GALNTL6: variants seen among roughly 807,000 people sequenced by gnomAD.
GALNTL6 encodes polypeptide N-acetylgalactosaminyltransferase-like 6.
GALNTL6 carries 46 observed loss-of-function variants against 73.7 expected under a neutral mutation model. The ratio of observed to expected loss-of-function variants is 0.62; its 90% CI spans 0.49 to 0.80. The LOEUF (loss-of-function observed/expected upper bound fraction) is 0.80, where lower values mean the gene tolerates loss of function less well. Among genes scored for constraint, GALNTL6 ranks in the 30% least tolerant of loss-of-function variants. The pLI is 0.00. For synonymous variants in GALNTL6, 259 were observed against 263.7 expected, an observed-to-expected ratio of 0.98 and a Z score of 0.17; for missense variants, 604 against 755.0, an observed-to-expected ratio of 0.80 and a Z score of 2.34.
chr4:171,963,009 G>A (rs550993041), intron 2 of GALNTL6, among the ~76,000 whole-genome samples: 9 of 150,850 alleles, frequency 6.0e-5, no homozygotes, highest in Middle Eastern at 3.5e-3. Flanking sequence ...CTTGTGATCC[G>A]CCCACCTTGG....
At chr4:171,881,522 T>A (rs555406432) in intron 2 of GALNTL6, among the ~76,000 whole-genome samples, 1 of 152,284 alleles carries the variant, frequency 6.6e-6, no homozygotes, top group Admixed American at 6.5e-5. Flanking sequence ...TAAGGGTGGA[T>A]CTGCCCTCCC....
intron 10 of GALNTL6, among the ~76,000 whole-genome samples, chr4:172,971,473 T>C (rs1381757767): frequency 6.6e-6 from 1 of 152,182 alleles, no homozygotes; most frequent in Admixed American, 6.5e-5. Flanking sequence ...GATGGAGGAA[T>C]ATACAAATTA....
chr4:171,853,182 G>A (rs79440351), intron 2 of GALNTL6, among the ~76,000 whole-genome samples: 1 of 151,832 alleles, frequency 6.6e-6, no homozygotes, highest in Non-Finnish European at 1.5e-5. Flanking sequence ...AGGTTAAAGG[G>A]TACTCTTCTC....
At chr4:172,045,219 C>G (rs989668274) in intron 2 of GALNTL6, among the ~76,000 whole-genome samples, 1 of 151,920 alleles carries the variant, frequency 6.6e-6, no homozygotes, top group Non-Finnish European at 1.5e-5. Flanking sequence ...TACAGTAGAG[C>G]ACTGTGCGCC....
At chr4:172,410,815 G>C (rs72988264) in intron 5 of GALNTL6, among the ~76,000 whole-genome samples, 4,916 of 151,830 alleles carry the variant, frequency 0.032, 258 homozygotes, top group African/African-American at 0.11. Context: ...TTATTTTCTG[G>C]GTTGCTTTAT....
intron 5 of GALNTL6, chr4:172,380,452 G>C (rs1743238891): frequency 3.9e-6 from 2 of 518,518 alleles, no homozygotes; most frequent in Non-Finnish European, 7.5e-6. Context: ...GCAAAAGCTG[G>C]GTTTCCTTGA....
chr4:172,291,167 A>G (rs1739459033), intron 3 of GALNTL6, among the ~76,000 whole-genome samples: 1 of 152,148 alleles, frequency 6.6e-6, no homozygotes, highest in Non-Finnish European at 1.5e-5. Context: ...CATAAAGCTG[A>G]CAGCCATTAA....
intron 2 of GALNTL6, among the ~76,000 whole-genome samples, chr4:171,905,677 C>T (rs1737253954): frequency 6.6e-6 from 1 of 150,648 alleles, no homozygotes; most frequent in Non-Finnish European, 1.5e-5. Flanking sequence ...CACCCCAATT[C>T]AACAGAATAT....
intron 2 of GALNTL6, among the ~76,000 whole-genome samples, chr4:171,921,292 T>C (rs1284627469): frequency 6.6e-6 from 1 of 152,132 alleles, no homozygotes; most frequent in East Asian, 1.9e-4. Context: ...ACCATGTTTT[T>C]GTTTTGCTTT....
At chr4:172,228,560 A>T (rs1446971906) in intron 2 of GALNTL6, among the ~76,000 whole-genome samples, 2 of 152,170 alleles carry the variant, frequency 1.3e-5, no homozygotes, top group Non-Finnish European at 2.9e-5. Context: ...ACTAAGAAAT[A>T]AGACATTTTA....
chr4:173,021,934 C>A (rs546214300), intron 12 of GALNTL6, among the ~76,000 whole-genome samples: 113 of 151,392 alleles, frequency 7.5e-4, no homozygotes, highest in African/African-American at 2.6e-3. Flanking sequence ...GGGGAGATTG[C>A]AGTGAGCCAA....
rs1159943051 is a variant in GALNTL6, at chr4:172,680,571, C to T, written c.554-128790C>T. ...GGCAAGTCACTTCAGCTTCTTTCAT[C>T]CCCTCCTTTTTTGCCATTTGTCATC... On this transcript the variant is annotated intron_variant, in intron 5 of 12. Coordinates refer to ENST00000506823, the MANE Select transcript of GALNTL6 (RefSeq NM_001034845.3). 4.6e-5 allele frequency among the ~76,000 whole-genome samples: 7 copies of T among 152,174 alleles called. No individual in the cohort carries two copies. In the East Asian group the frequency reaches 1.4e-3, roughly 29 times the overall value.
intron 5 of GALNTL6, among the ~76,000 whole-genome samples, chr4:172,808,748 A>G (rs1741117478): frequency 6.6e-6 from 1 of 151,950 alleles, no homozygotes; most frequent in Non-Finnish European, 1.5e-5. Context: ...GCTAAGAAAT[A>G]TTTCCGAATC....
At chr4:172,469,391 AG>A (rs1732956520) in intron 5 of GALNTL6, among the ~76,000 whole-genome samples, 1 of 151,950 alleles carries the variant, frequency 6.6e-6, no homozygotes, top group Admixed American at 6.6e-5. Context: ...GAATCACTTG[AG>A]GTCAGGAGGT....
intron 5 of GALNTL6, among the ~76,000 whole-genome samples, chr4:172,394,723 C>G (rs1474455719): frequency 6.6e-6 from 1 of 152,088 alleles, no homozygotes; most frequent in Non-Finnish European, 1.5e-5. Flanking sequence ...TGAGCCACCA[C>G]GCCCGGCCCT....
chr4:173,009,337 G>A, intron 11 of GALNTL6, 43 bp downstream of exon 11: 2 of 1,127,446 alleles, frequency 1.8e-6, no homozygotes, highest in Non-Finnish European at 2.7e-6. Context: ...AACCAGTCGG[G>A]GGCTGATGCA....
At chr4:172,150,746 A>G (rs941142966) in intron 2 of GALNTL6, among the ~76,000 whole-genome samples, 2 of 152,214 alleles carry the variant, frequency 1.3e-5, no homozygotes, top group Non-Finnish European at 2.9e-5. Context: ...GGTATACGAC[A>G]TAATAAAAGA....
intron 2 of GALNTL6, among the ~76,000 whole-genome samples, chr4:172,195,399 A>G (rs10010262): frequency 6.6e-6 from 1 of 152,152 alleles, no homozygotes; most frequent in Admixed American, 6.5e-5. Context: ...CAACAAATAT[A>G]TTCAGGACTT....
At chr4:173,013,667 G>C (rs957581130) in intron 11 of GALNTL6, among the ~76,000 whole-genome samples, 1 of 144,938 alleles carries the variant, frequency 6.9e-6, no homozygotes, top group Admixed American at 7.3e-5. Flanking sequence ...AAACTACATA[G>C]GCAGAACAGA....
Sources: allele counts gnomAD v4.1 joint callset (sites outside exome capture counted in the v4.1 genomes callset), GRCh38; gene constraint gnomAD v4.1.1; transcripts MANE v1.5; gene names NCBI Gene and HGNC (gene_info 2026-07-23, HGNC 2026-07-21).